CUL4B: variants seen among roughly 807,000 people sequenced by gnomAD.
CUL4B encodes the protein cullin 4B.
CUL4B carries 1 observed loss-of-function variant against 69.2 expected under a neutral mutation model. The observed-to-expected ratio is 0.01, with a 90% CI of 0.01 to 0.07. CUL4B has a LOEUF of 0.07. Among genes scored for constraint, CUL4B ranks in the 10% least tolerant of loss-of-function variants. The pLI is 1.00. For synonymous variants in CUL4B, 237 were observed against 223.2 expected, an observed-to-expected ratio of 1.06 and a Z score of -0.55; for missense variants, 328 against 638.8, an observed-to-expected ratio of 0.51 and a Z score of 5.24.
In CUL4B at chrX:120,547,663, T is replaced by C. The variant is rs147026736; in HGVS notation, c.673-424A>G. Among the ~76,000 whole-genome samples, 523 of 111,474 alleles carry C rather than the reference T, an allele frequency of 4.7e-3. 2 individuals carry two copies. Among genetic ancestry groups the C allele is most frequent in the African/African-American group, 0.016 (490 of 30,674 alleles). ...CAACTGTGATGGTTACTACTGAGTG[T>C]CAACTTGATTGGATTGAAGGATACA... On this transcript the variant is annotated intron_variant, in intron 2 of 19. Coordinates refer to ENST00000371322, the MANE Select transcript of CUL4B (RefSeq NM_001079872.2).
At chrX:120,526,972 T>A (rs1923005899) in intron 19 of CUL4B, 116 bp from the exon 20 acceptor site, 6 of 369,108 alleles carry the variant, frequency 1.6e-5, no homozygotes, top group Admixed American at 9.0e-5. Flanking sequence ...TCTCCTTTTT[T>A]AAAATTTTTA....
intron 9 of CUL4B, among the ~76,000 whole-genome samples, 197 bp from the exon 10 acceptor site, chrX:120,541,917 G>T (rs1924012932): frequency 9.1e-6 from 1 of 109,913 alleles, no homozygotes. Flanking sequence ...ACTAAATATA[G>T]AGACTTTAGT....
downstream of CUL4B, among the ~76,000 whole-genome samples, chrX:120,566,586 G>A (rs750186931): frequency 4.7e-5 from 5 of 105,797 alleles, no homozygotes; most frequent in Admixed American, 2.1e-4. Flanking sequence ...TAGTAGAGAC[G>A]GGGTTTCTCC....
At chrX:120,558,322 C>T (rs1177306653) in intron 1 of CUL4B, among the ~76,000 whole-genome samples, 1 of 111,551 alleles carries the variant, frequency 9.0e-6, no homozygotes. Context: ...CAAGAATGAC[C>T]ATAAAAAATA....
chrX:120,559,767 C>A, intron 1 of CUL4B: 1 of 1,055,360 alleles, frequency 9.5e-7, no homozygotes, highest in Non-Finnish European at 1.2e-6. Context: ...CTTTAGAATA[C>A]AAATTTCTCA....
intron 6 of CUL4B, 54 bp from the exon 7 acceptor site, chrX:120,544,257 T>C: frequency 1.1e-6 from 1 of 887,363 alleles, no homozygotes; most frequent in Non-Finnish European, 1.7e-6. Flanking sequence ...ATTTACTAAA[T>C]GTCCTCTATG....
intron 13 of CUL4B, 183 bp downstream of exon 13, chrX:120,538,477 T>TAA: frequency 2.4e-6 from 1 of 411,302 alleles, no homozygotes; most frequent in Non-Finnish European, 4.1e-6. Flanking sequence ...TGCTTTATCT[T>TAA]AAAAAAAACA....
At position 120,524,188 on chromosome X, in the gene CUL4B, A is replaced by G. The variant is rs1421187308; in HGVS notation, c.*2573T>C. On this transcript the variant is annotated 3_prime_UTR_variant, in exon 20 of 20. Coordinates refer to ENST00000371322, the MANE Select transcript of CUL4B (RefSeq NM_001079872.2). ...ACTGGGTTCAAAAACTTTGAGGAAC[A>G]TCTTACTCTGAGAGTATCTGGCCCA... is the stretch of plus-strand genomic sequence containing the variant. 9.0e-6 allele frequency among the ~76,000 whole-genome samples: 1 copy of G among 111,455 alleles called. No individual in the cohort carries two copies. Among genetic ancestry groups the G allele is most frequent in the African/African-American group, 3.3e-5 (1 of 30,701 alleles).
chrX:120,559,917 C>T (rs1158894343), intron 1 of CUL4B, 166 bp downstream of exon 1: 1 of 1,138,461 alleles, frequency 8.8e-7, no homozygotes, highest in East Asian at 3.3e-5. Context: ...TAACCACCCC[C>T]GGAAAATGAA....
chrX:120,531,600 C>T (rs754480407), intron 18 of CUL4B, among the ~76,000 whole-genome samples: 135 of 108,895 alleles, frequency 1.2e-3, no homozygotes, highest in Non-Finnish European at 1.8e-3. Context: ...GCTGGGACTA[C>T]AAGCACGCAC....
Position 120,534,601 on chromosome X carries a change from A to G in CUL4B, c.2161-15T>C, listed in dbSNP as rs183114462. 3 of 1,087,378 alleles carry G rather than the reference A, an allele frequency of 2.8e-6. No homozygotes were observed. In the Admixed American group the frequency reaches 6.5e-5, roughly 24 times the overall value. The allele number at this position is 1,087,378 out of a possible 1,213,427, so 89.6% of individuals were successfully genotyped here. The stretch of plus-strand genomic sequence containing the variant: ...TCCTTTTTACCCTGTTGAAGAAATA[A>G]AAGTGTTTAGTCATCACTTTTTTAA... On this transcript the variant is annotated splice_polypyrimidine_tract_variant and intron_variant, in intron 16 of 19. Transcript: ENST00000371322.
chrX:120,562,974 T>C (rs1043696080), upstream of CUL4B, among the ~76,000 whole-genome samples: 24 of 112,444 alleles, frequency 2.1e-4, no homozygotes, highest in Admixed American at 1.9e-4. Flanking sequence ...TACCTTGTGA[T>C]AGGTGAATCA....
chrX:120,524,685 A>G lies in CUL4B; in HGVS notation c.*2076T>C, dbSNP rs773406492. ...ACAGGGAAAAGAGCACAAAAATTCA[A>G]CTGATACAGAACAACAACTGAAAGT... On this transcript the variant is annotated 3_prime_UTR_variant, in exon 20 of 20. Transcript: ENST00000371322. 8.9e-6 allele frequency: 1 copy of G among 112,052 alleles called. No homozygotes were observed. Among genetic ancestry groups the G allele is most frequent in the Non-Finnish European group, 1.9e-5 (1 of 53,114 alleles). 9.2% of individuals were successfully genotyped at this position (112,052 alleles called of 1,213,427 possible).
At position 120,560,765 on chromosome X, in the gene CUL4B, GACGAGAA is replaced by G; in HGVS notation, c.-134_-128del. On this transcript the variant is annotated 5_prime_UTR_variant, in exon 1 of 20. Coordinates refer to ENST00000371322, the MANE Select transcript of CUL4B (RefSeq NM_001079872.2). Reference sequence around the variant, plus strand: ...GAAAGAAGAGAGGAGAAACACAGAGGACGAGAAGGAAAGTGAAGGGGGGGGCTACACC... The same window carrying G: ...GAAAGAAGAGAGGAGAAACACAGAGGGGAAAGTGAAGGGGGGGGCTACACC... 1 of 717,434 alleles carries G rather than the reference GACGAGAA, an allele frequency of 1.4e-6. No individual in the cohort carries two copies. The highest frequency in any genetic ancestry group is 3.9e-5 in the South Asian group (1 of 25,722). The allele number at this position is 717,434 out of a possible 1,213,427, so 59.1% of individuals were successfully genotyped here.
At chrX:120,563,779 G>A (rs1925412329), upstream of CUL4B, among the ~76,000 whole-genome samples, 2 of 112,029 alleles carry the variant, frequency 1.8e-5, no homozygotes, top group African/African-American at 6.5e-5. Flanking sequence ...CTTTAGGAGG[G>A]TATATGAAGT....
intron 13 of CUL4B, 51 bp from the exon 14 acceptor site, chrX:120,538,260 A>C (rs577291875): frequency 2.4e-6 from 2 of 847,425 alleles, no homozygotes; most frequent in South Asian, 4.4e-5. Context: ...TAAAAACAAA[A>C]GAGGTTTAAA....
chrX:120,540,890 T>C (rs185248308), intron 10 of CUL4B, among the ~76,000 whole-genome samples: 30 of 112,360 alleles, frequency 2.7e-4, no homozygotes, highest in African/African-American at 8.4e-4. Flanking sequence ...ACAAAAATAG[T>C]AAGCAATGAT....
At chrX:120,571,225 A>C (rs1489805818) in exon 3 of CUL4B, 1 of 111,637 alleles carries the variant, frequency 9.0e-6, no homozygotes, top group East Asian at 2.8e-4. Context: ...ATTACACATC[A>C]TACATCTTTT....
intron 16 of CUL4B, 26 bp downstream of exon 16, chrX:120,535,804 T>C: frequency 1.1e-6 from 1 of 950,217 alleles, no homozygotes; most frequent in East Asian, 3.3e-5. Context: ...AGATGAAAAC[T>C]AAAAGTTTTG....
Sources: allele counts gnomAD v4.1 joint callset (sites outside exome capture counted in the v4.1 genomes callset), GRCh38; gene constraint gnomAD v4.1.1; transcripts MANE v1.5; gene names NCBI Gene and HGNC (gene_info 2026-07-23, HGNC 2026-07-21).